HEATR3: variants seen among roughly 807,000 people sequenced by gnomAD.
HEATR3 encodes the protein HEAT repeat containing 3.
Under a neutral mutation model 72.8 loss-of-function variants are expected in HEATR3, and 56 were observed. That is an observed-to-expected ratio of 0.77 (90% confidence interval 0.62 to 0.96). The LOEUF (loss-of-function observed/expected upper bound fraction) is 0.96. Ranked by LOEUF, HEATR3 falls within the 40% of genes least tolerant of loss-of-function variation. HEATR3 has a pLI of 0.00. For missense variants in HEATR3, 747 were observed against 831.4 expected (o/e 0.90, Z 1.25); for synonymous variants, 331 against 318.1 (o/e 1.04, Z -0.43).
At chr16:50,078,394 A>G (rs183777142) in intron 6 of HEATR3, among the ~76,000 whole-genome samples, 40 of 152,336 alleles carry the variant, frequency 2.6e-4, no homozygotes, top group African/African-American at 9.1e-4. Flanking sequence ...CTCTTGGAAT[A>G]TAAGAAGCTG....
chr16:50,092,300 T>G (rs1348362021), intron 11 of HEATR3, among the ~76,000 whole-genome samples: 1 of 152,102 alleles, frequency 6.6e-6, no homozygotes, highest in Non-Finnish European at 1.5e-5. Context: ...CTCTGATTTT[T>G]GAGTGCCTGT....
chr16:50,103,656 C>T (rs925125344), intron 14 of HEATR3, among the ~76,000 whole-genome samples: 3 of 152,134 alleles, frequency 2.0e-5, no homozygotes, highest in Non-Finnish European at 2.9e-5. Context: ...CCAGATGATA[C>T]CGTTGCACAC....
At chr16:50,082,844 A>G (rs1261608053) in intron 7 of HEATR3, among the ~76,000 whole-genome samples, 2 of 149,722 alleles carry the variant, frequency 1.3e-5, no homozygotes, top group Non-Finnish European at 3.0e-5. Context: ...ACTCTGTTGC[A>G]CAGTGGTACA....
At chr16:50,072,908 C>A (rs1433324203) in intron 5 of HEATR3, 194 bp downstream of exon 5, 15 of 510,634 alleles carry the variant, frequency 2.9e-5, no homozygotes, top group Non-Finnish European at 4.2e-5. Flanking sequence ...TTCAGTTTTT[C>A]TGCTTTTGAC....
intron 7 of HEATR3, among the ~76,000 whole-genome samples, chr16:50,082,307 C>T (rs1270121654): frequency 1.3e-5 from 2 of 151,986 alleles, no homozygotes; most frequent in Non-Finnish European, 2.9e-5. Flanking sequence ...CATGCCACTG[C>T]ACTCCAGCCT....
At chr16:50,068,713 T>G in intron 2 of HEATR3, 67 bp from the exon 3 acceptor site, 1 of 684,334 alleles carries the variant, frequency 1.5e-6, no homozygotes, top group Non-Finnish European at 2.3e-6. Context: ...AATAGAAATG[T>G]GAGAGGGTAG....
At chr16:50,099,279 A>G (rs1373038300) in intron 12 of HEATR3, among the ~76,000 whole-genome samples, 2 of 152,122 alleles carry the variant, frequency 1.3e-5, no homozygotes, top group Non-Finnish European at 2.9e-5. Flanking sequence ...AGCTTATGGG[A>G]TCAGTGTGAT....
chr16:50,100,268 A>T lies in HEATR3; in HGVS notation c.1638A>T (p.Ala546=). 6.2e-7 allele frequency: 1 copy of T among 1,613,972 alleles called. No individual in the cohort carries two copies. Among genetic ancestry groups the T allele is most frequent in the East Asian group, 2.2e-5 (1 of 44,878 alleles). The change falls in exon 13 of 15, where the codon GCA becomes GCT. Residue 546 remains alanine (A), a synonymous_variant. Transcript: ENST00000299192. The part of the protein sequence containing the change: ...TPDQLMTLCK[A]GIHSSNVGVR... Reference sequence around the variant, plus strand: ...ATCAGCTGATGACATTATGCAAAGCAGGCATTCATAGTAGTAATGTCGGGG... The same window carrying T: ...ATCAGCTGATGACATTATGCAAAGCTGGCATTCATAGTAGTAATGTCGGGG...
chr16:50,069,003 A>T (rs2036556706), intron 3 of HEATR3, 136 bp downstream of exon 3: 3 of 642,196 alleles, frequency 4.7e-6, no homozygotes, highest in Admixed American at 2.8e-5. Context: ...TGGAAACACC[A>T]ATCTGCTCTC....
At chr16:50,087,659 C>T (rs773359413) in intron 11 of HEATR3, among the ~76,000 whole-genome samples, 2 of 152,168 alleles carry the variant, frequency 1.3e-5, no homozygotes, top group African/African-American at 2.4e-5. Flanking sequence ...GAATCTGCCC[C>T]TCTCTCTCAG....
intron 4 of HEATR3, 67 bp from the exon 5 acceptor site, chr16:50,072,538 T>C: frequency 1.0e-6 from 1 of 993,426 alleles, no homozygotes; most frequent in Non-Finnish European, 1.6e-6. Flanking sequence ...TTTTTATGGA[T>C]TGCTATGGTT....
At chr16:50,093,467 C>T (rs1036940555) in intron 11 of HEATR3, among the ~76,000 whole-genome samples, 2 of 152,098 alleles carry the variant, frequency 1.3e-5, no homozygotes, top group East Asian at 1.9e-4. Context: ...CATTTGGCAA[C>T]GTCTGGAGGT....
At chr16:50,095,552 C>G (rs946075658) in intron 12 of HEATR3, among the ~76,000 whole-genome samples, 2 of 151,882 alleles carry the variant, frequency 1.3e-5, no homozygotes, top group Non-Finnish European at 2.9e-5. Flanking sequence ...TTAAACATTC[C>G]TAAAAGCAGA....
intron 12 of HEATR3, among the ~76,000 whole-genome samples, chr16:50,095,951 T>G (rs576101219): frequency 6.6e-6 from 1 of 152,304 alleles, no homozygotes; most frequent in Admixed American, 6.5e-5. Flanking sequence ...GGATATTTCT[T>G]ATTATCCTTT....
At chr16:50,104,582 G>A (rs1287849460) in intron 14 of HEATR3, among the ~76,000 whole-genome samples, 1 of 152,076 alleles carries the variant, frequency 6.6e-6, no homozygotes, top group Non-Finnish European at 1.5e-5. Context: ...AAACAATTAA[G>A]TATTATTACC....
intron 11 of HEATR3, among the ~76,000 whole-genome samples, chr16:50,091,431 C>T (rs2037107782): frequency 6.6e-6 from 1 of 151,842 alleles, no homozygotes; most frequent in East Asian, 1.9e-4. Context: ...CTTGCCACTG[C>T]ACTCCAGCCT....
At chr16:50,066,319 G>A (rs1247183465) in intron 1 of HEATR3, 48 bp from the exon 2 acceptor site, 1 of 1,565,924 alleles carries the variant, frequency 6.4e-7, no homozygotes, top group East Asian at 2.3e-5. Flanking sequence ...GTTGCCCCGC[G>A]CGCGTGCGCA....
At chr16:50,076,399 G>A (rs1297708650) in intron 6 of HEATR3, among the ~76,000 whole-genome samples, 3 of 152,044 alleles carry the variant, frequency 2.0e-5, no homozygotes, top group South Asian at 4.1e-4. Flanking sequence ...TGTTGGCCAG[G>A]CTGGTCTTGA....
chr16:50,105,316 C>CATAAGCAT lies in HEATR3; in HGVS notation c.*256_*263dup. 2.7e-6 allele frequency: 1 copy of CATAAGCAT among 367,624 alleles called. No homozygotes were observed. Among genetic ancestry groups the CATAAGCAT allele is most frequent in the Non-Finnish European group, 5.0e-6 (1 of 198,486 alleles). 22.8% of individuals were successfully genotyped at this position (367,624 alleles called of 1,614,324 possible). On this transcript the variant is annotated 3_prime_UTR_variant, in exon 15 of 15. Coordinates refer to ENST00000299192, the MANE Select transcript of HEATR3 (RefSeq NM_182922.4). ...CTGGCCAACATGGTGAAACCGCATG[C>CATAAGCAT]ATAAGCATGGTGGCACATGCCTGTG...
Sources: allele counts gnomAD v4.1 joint callset (sites outside exome capture counted in the v4.1 genomes callset), GRCh38; gene constraint gnomAD v4.1.1; transcripts MANE v1.5; gene names NCBI Gene and HGNC (gene_info 2026-07-23, HGNC 2026-07-21).